The following SLC38A6 variants were observed in gnomAD, a reference collection of about 807,000 sequenced individuals.
SLC38A6 encodes solute carrier family 38 member 6.
A neutral mutation model predicts 65.0 loss-of-function variants in SLC38A6; 73 were observed. The observed-to-expected ratio is 1.12, with a 90% CI of 0.93 to 1.37. SLC38A6 has a LOEUF of 1.37. Among genes scored for constraint, SLC38A6 ranks in the 40% most tolerant of loss-of-function variants. The pLI is 0.00. For missense variants in SLC38A6, 561 were observed against 531.1 expected (o/e 1.06, Z -0.55); for synonymous variants, 183 against 178.8 (o/e 1.02, Z -0.19).
chr14:61,045,421 C>G lies in SLC38A6; in HGVS notation c.820C>G (p.Gln274Glu). The G allele has an allele frequency of 6.2e-7, 1 of 1,606,274 alleles. No homozygotes were observed. The highest frequency in any genetic ancestry group is 1.3e-5 in the African/African-American group (1 of 74,824). The change falls in exon 11 of 16, where the codon CAA becomes GAA. Residue 274 changes from glutamine (Q) to glutamate (E), a missense_variant. By Grantham distance (29) the Gln-to-Glu change is conservative. Coordinates refer to ENST00000267488, the MANE Select transcript of SLC38A6 (RefSeq NM_153811.3). The stretch of plus-strand genomic sequence containing the variant: ...AATATTGCCCATATACTGTGAACTT[C>G]AAAGGTACTGTAGAATCCTGGAATA... ...TSILPIYCEL[Q>E]SPSKKRMQNV...
intron 15 of SLC38A6, among the ~76,000 whole-genome samples, chr14:61,059,401 G>T (rs1341422926): frequency 4.7e-4 from 1 of 2,112 alleles, no homozygotes; most frequent in Non-Finnish European, 9.1e-4. Context: ...GGCTGGATAT[G>T]AAATTCTGGG....
At chr14:61,079,849 C>G (rs1279177064) in intron 16 of SLC38A6, among the ~76,000 whole-genome samples, 3 of 152,088 alleles carry the variant, frequency 2.0e-5, no homozygotes, top group Non-Finnish European at 4.4e-5. Flanking sequence ...CGAAGGATTT[C>G]TTTGAGGCTG....
At chr14:60,990,885 C>T (rs1291851302) in intron 3 of SLC38A6, among the ~76,000 whole-genome samples, 3 of 152,076 alleles carry the variant, frequency 2.0e-5, no homozygotes, top group Non-Finnish European at 2.9e-5. Context: ...GCTCTTACCA[C>T]GATGCCTAGG....
intron 15 of SLC38A6, among the ~76,000 whole-genome samples, chr14:61,071,281 A>T (rs1458666825): frequency 6.6e-6 from 1 of 152,222 alleles, no homozygotes; most frequent in African/African-American, 2.4e-5. Context: ...TTTAGCACAT[A>T]TATTAATATA....
intron 2 of SLC38A6, 151 bp from the exon 3 acceptor site, chr14:60,984,579 A>G: frequency 1.9e-6 from 1 of 514,626 alleles, no homozygotes; most frequent in East Asian, 3.0e-5. Context: ...GTAGAAAAGT[A>G]TCTTCTTAAT....
At chr14:61,074,357 AT>A (rs2043327333) in intron 15 of SLC38A6, among the ~76,000 whole-genome samples, 1 of 152,166 alleles carries the variant, frequency 6.6e-6, no homozygotes, top group African/African-American at 2.4e-5. Flanking sequence ...ACAGAAATTT[AT>A]TTCTCATAGC....
intron 4 of SLC38A6, among the ~76,000 whole-genome samples, chr14:61,018,381 A>G (rs2040145178): frequency 6.6e-6 from 1 of 152,236 alleles, no homozygotes; most frequent in African/African-American, 2.4e-5. Flanking sequence ...CAATCACCAC[A>G]TCTCCAAAGA....
At chr14:60,988,717 A>AC (rs1200738195) in intron 3 of SLC38A6, among the ~76,000 whole-genome samples, 1 of 151,764 alleles carries the variant, frequency 6.6e-6, no homozygotes, top group Non-Finnish European at 1.5e-5. Context: ...CTTTGCACTG[A>AC]CCCCCCACAC....
chr14:61,016,296 G>A (rs929025879), intron 4 of SLC38A6, among the ~76,000 whole-genome samples: 1 of 152,084 alleles, frequency 6.6e-6, no homozygotes, highest in Non-Finnish European at 1.5e-5. Flanking sequence ...CCCTCATAAA[G>A]ACAAGAAAAG....
In SLC38A6 at chr14:61,080,559, A is replaced by C. The variant is rs111570516; in HGVS notation, c.1408+1632A>C. Among the ~76,000 whole-genome samples the C allele has an allele frequency of 2.7e-4, 41 of 152,350 alleles. 1 individual carries two copies. Among genetic ancestry groups the C allele is most frequent in the Middle Eastern group, 6.8e-3 (2 of 294 alleles). On this transcript the variant is annotated intron_variant, in intron 16 of 16. Coordinates refer to the SLC38A6 transcript ENST00000354886. ...AGTTCTACCCTCATGGATGCAAATC[A>C]AAACAGCTCAGAATCAAGTCTGGGA...
At chr14:61,016,079 G>T in intron 4 of SLC38A6, 123 bp downstream of exon 4, 1 of 583,040 alleles carries the variant, frequency 1.7e-6, no homozygotes, top group Non-Finnish European at 2.9e-6. Context: ...AAACTAAAGT[G>T]AGAAAAGAGA....
In SLC38A6 at chr14:61,069,697, T is replaced by G. The variant is rs556760867; in HGVS notation, c.1291-9113T>G. 2.0e-5 allele frequency among the ~76,000 whole-genome samples: 3 copies of G among 152,326 alleles called. No homozygotes were observed. The South Asian group carries it at 6.2e-4, about 32-fold the overall frequency. The stretch of plus-strand genomic sequence containing the variant: ...TCTGTATGATTATTTTGGTATACCA[T>G]TAGTACCTTGTAAGATTTTTCGTAT... On this transcript the variant is annotated intron_variant, in intron 15 of 16. Transcript: ENST00000354886.
chr14:61,050,686 G>A (rs367931450), intron 13 of SLC38A6, 50 bp downstream of exon 13: 8 of 1,389,700 alleles, frequency 5.8e-6, no homozygotes, highest in Non-Finnish European at 7.6e-6. Context: ...CTTCCTAATA[G>A]GGAAACACTA....
intron 8 of SLC38A6, among the ~76,000 whole-genome samples, chr14:61,042,551 TG>T (rs1396293868): frequency 7.9e-5 from 12 of 152,164 alleles, no homozygotes; most frequent in Non-Finnish European, 1.3e-4. Flanking sequence ...TTTCTTTTAA[TG>T]TTTTTTTTGT....
chr14:61,062,497 CTT>C (rs113203481), intron 15 of SLC38A6, among the ~76,000 whole-genome samples: 4 of 141,302 alleles, frequency 2.8e-5, no homozygotes. Flanking sequence ...TCTCTTTTGC[CTT>C]TTTTTTTTTT....
intron 8 of SLC38A6, among the ~76,000 whole-genome samples, chr14:61,041,029 G>C (rs1230255882): frequency 6.6e-6 from 1 of 152,170 alleles, no homozygotes; most frequent in African/African-American, 2.4e-5. Flanking sequence ...CTGAGAGCTA[G>C]AGTAAAGAAG....
At chr14:61,000,357 C>T (rs1036254358) in intron 3 of SLC38A6, among the ~76,000 whole-genome samples, 1 of 152,214 alleles carries the variant, frequency 6.6e-6, no homozygotes, top group Non-Finnish European at 1.5e-5. Flanking sequence ...TGGGCAGGCC[C>T]AGTGGCTCAC....
intron 5 of SLC38A6, among the ~76,000 whole-genome samples, chr14:61,024,957 C>T (rs905148243): frequency 2.0e-5 from 3 of 152,136 alleles, no homozygotes; most frequent in African/African-American, 7.2e-5. Context: ...TTCCTTAATT[C>T]TTCAAAGCCC....
At chr14:61,082,015 G>A (rs2043672686) in intron 16 of SLC38A6, among the ~76,000 whole-genome samples, 1 of 152,168 alleles carries the variant, frequency 6.6e-6, no homozygotes, top group Non-Finnish European at 1.5e-5. Flanking sequence ...GTGCTGTAGT[G>A]CCTCGTGTTT....
Sources: allele counts gnomAD v4.1 joint callset (sites outside exome capture counted in the v4.1 genomes callset), GRCh38; gene constraint gnomAD v4.1.1; transcripts MANE v1.5; gene names NCBI Gene and HGNC (gene_info 2026-07-23, HGNC 2026-07-21).